Variants in PHLPP1 observed in about 807,000 individuals in gnomAD.
PHLPP1 encodes PH domain leucine-rich repeat-containing protein phosphatase 1.
PHLPP1 carries 42 observed loss-of-function variants against 117.2 expected under a neutral mutation model. The ratio of observed to expected loss-of-function variants is 0.36; its 90% CI spans 0.28 to 0.46. The LOEUF is 0.46. PHLPP1 is among the 20% of genes least tolerant of loss of function. The pLI is 1.00. For synonymous variants in PHLPP1, 1,042 were observed against 970.7 expected, an observed-to-expected ratio of 1.07 and a Z score of -1.37; for missense variants, 2,084 against 2,241.9, an observed-to-expected ratio of 0.93 and a Z score of 1.42.
At chr18:62,792,434 A>G (rs1215051073) in intron 1 of PHLPP1, among the ~76,000 whole-genome samples, 3 of 152,068 alleles carry the variant, frequency 2.0e-5, no homozygotes, top group African/African-American at 4.8e-5. Flanking sequence ...TTCTGGTGGG[A>G]AAAACTCTGA....
chr18:62,793,258 G>A (rs1019415207), intron 1 of PHLPP1, among the ~76,000 whole-genome samples: 6 of 152,322 alleles, frequency 3.9e-5, no homozygotes, highest in African/African-American at 1.2e-4. Flanking sequence ...TGATCAACAA[G>A]TCACCTAGAT....
In PHLPP1 at chr18:62,901,894, C is replaced by G. The variant is rs144076954; in HGVS notation, c.2445-1070C>G. Among the ~76,000 whole-genome samples, 390 of 152,210 alleles carry G rather than the reference C, an allele frequency of 2.6e-3. 2 individuals are homozygous for G. Among genetic ancestry groups the G allele is most frequent in the African/African-American group, 8.9e-3 (370 of 41,526 alleles). On this transcript the variant is annotated intron_variant, in intron 6 of 16. Transcript: ENST00000262719. The stretch of plus-strand genomic sequence containing the variant: ...ACACCCACCTCAGCCTCCCAAAGTG[C>G]TGGGATTACAGGTGTGAGCCATCGC...
At position 62,959,548 on chromosome 18, in the gene PHLPP1, T is replaced by C. The variant is rs933690043; in HGVS notation, c.3455+789T>C. Among the ~76,000 whole-genome samples, 3 of 152,238 alleles carry C rather than the reference T, an allele frequency of 2.0e-5. No individual in the cohort carries two copies. The East Asian group carries it at 5.8e-4, about 29-fold the overall frequency. On this transcript the variant is annotated intron_variant, in intron 13 of 16. Coordinates refer to ENST00000262719, the MANE Select transcript of PHLPP1 (RefSeq NM_194449.4). ...TATGGGTAGTGTTTATTTTCTTCTT[T>C]AAACTTTTCTGAATTTTCAGAATTT... is the stretch of plus-strand genomic sequence containing the variant.
chr18:62,748,046 G>A (rs1911729509), intron 1 of PHLPP1, among the ~76,000 whole-genome samples: 1 of 152,018 alleles, frequency 6.6e-6, no homozygotes, highest in African/African-American at 2.4e-5. Context: ...TTGGGTGTTG[G>A]TTAGGTCTAA....
intron 1 of PHLPP1, among the ~76,000 whole-genome samples, chr18:62,778,410 CTTTAG>C (rs1415095627): frequency 1.3e-5 from 2 of 152,076 alleles, no homozygotes; most frequent in Admixed American, 1.3e-4. Flanking sequence ...TAAATATAGC[CTTTAG>C]TTTAATTAGG....
intron 9 of PHLPP1, among the ~76,000 whole-genome samples, chr18:62,919,634 T>G (rs1359501635): frequency 2.6e-5 from 4 of 152,228 alleles, no homozygotes; most frequent in African/African-American, 9.6e-5. Flanking sequence ...CAATACAAGA[T>G]ACAAGCCCTA....
At chr18:62,728,478 G>T (rs1440686859) in intron 1 of PHLPP1, among the ~76,000 whole-genome samples, 1 of 150,986 alleles carries the variant, frequency 6.6e-6, no homozygotes, top group Non-Finnish European at 1.5e-5. Context: ...AAAGGTCATT[G>T]TGAAGCACAT....
chr18:62,908,591 G>A (rs1599114728), intron 8 of PHLPP1, among the ~76,000 whole-genome samples: 1 of 23,100 alleles, frequency 4.3e-5, no homozygotes, highest in Non-Finnish European at 8.4e-5. Flanking sequence ...CCAACAAGAG[G>A]AGCTAACTAT....
chr18:62,872,028 T>C (rs1207736357), intron 4 of PHLPP1, among the ~76,000 whole-genome samples: 2 of 152,164 alleles, frequency 1.3e-5, no homozygotes, highest in African/African-American at 4.8e-5. Context: ...TTTGTAAATA[T>C]AGAGGAGGCA....
intron 4 of PHLPP1, among the ~76,000 whole-genome samples, chr18:62,874,985 C>T (rs956048507): frequency 1.3e-5 from 2 of 152,166 alleles, no homozygotes; most frequent in African/African-American, 4.8e-5. Flanking sequence ...GACGGAGTCT[C>T]GCTCTGCCAC....
At chr18:62,860,726 G>T in intron 4 of PHLPP1, 125 bp downstream of exon 4, 1 of 732,446 alleles carries the variant, frequency 1.4e-6, no homozygotes. Context: ...AGATAACAGG[G>T]TAATAGGACT....
chr18:62,811,254 A>C (rs915776758), intron 1 of PHLPP1, among the ~76,000 whole-genome samples: 1 of 152,194 alleles, frequency 6.6e-6, no homozygotes. Flanking sequence ...AATTCATGCT[A>C]TTTGACCTAG....
At chr18:62,945,840 T>C (rs1223551850) in intron 12 of PHLPP1, among the ~76,000 whole-genome samples, 7 of 152,196 alleles carry the variant, frequency 4.6e-5, no homozygotes, top group Admixed American at 1.3e-4. Flanking sequence ...TGCTGAAAAG[T>C]GAAGCAATCT....
intron 3 of PHLPP1, among the ~76,000 whole-genome samples, chr18:62,857,962 A>G (rs897023797): frequency 3.3e-5 from 5 of 152,198 alleles, no homozygotes; most frequent in Middle Eastern, 3.2e-3. Flanking sequence ...TCCACTTCCT[A>G]TGAATGCCGT....
chr18:62,805,531 AT>A (rs1194530326), intron 1 of PHLPP1, among the ~76,000 whole-genome samples: 1 of 151,628 alleles, frequency 6.6e-6, no homozygotes, highest in Non-Finnish European at 1.5e-5. Context: ...TAACTTTTTA[AT>A]TTTTTTTGTA....
At chr18:62,929,055 A>C (rs1157873500) in intron 10 of PHLPP1, among the ~76,000 whole-genome samples, 1 of 152,212 alleles carries the variant, frequency 6.6e-6, no homozygotes, top group Non-Finnish European at 1.5e-5. Context: ...GTGGAATTAT[A>C]TGGTGGTGAT....
At chr18:62,834,568 A>G (rs1415250842) in intron 2 of PHLPP1, among the ~76,000 whole-genome samples, 2 of 152,260 alleles carry the variant, frequency 1.3e-5, no homozygotes, top group Middle Eastern at 3.4e-3. Flanking sequence ...ACACACATCT[A>G]CTTTCGCAAG....
rs1336473053 is a variant in PHLPP1 at position 62,838,868 on chromosome 18, A to G, written c.1858A>G (p.Thr620Ala). Residue 620 changes from threonine to alanine, a missense_variant, in exon 3 of 17, where the codon ACT (threonine) becomes GCT (alanine). Thr to Ala is a moderately conservative substitution (Grantham distance 58). Coordinates refer to ENST00000262719, the MANE Select transcript of PHLPP1 (RefSeq NM_194449.4). ...CCAGACTTACTACATTTGCTTTGAT[A>G]CTTTCACAGAATACTTAAGGTGGCT... Reference protein sequence around the residue: ...QSQTYYICFDTFTEYLRWLRQ... With the variant: ...QSQTYYICFDAFTEYLRWLRQ... The G allele has an allele frequency of 1.2e-6, 2 of 1,613,800 alleles. No homozygotes were observed. The highest frequency in any genetic ancestry group is 1.1e-5 in the South Asian group (1 of 91,090).
intron 6 of PHLPP1, among the ~76,000 whole-genome samples, chr18:62,899,182 T>C (rs1207160640): frequency 6.6e-6 from 1 of 152,226 alleles, no homozygotes; most frequent in African/African-American, 2.4e-5. Context: ...TATACATCAG[T>C]CTGTCATGAA....
Sources: allele counts gnomAD v4.1 joint callset (sites outside exome capture counted in the v4.1 genomes callset), GRCh38; gene constraint gnomAD v4.1.1; transcripts MANE v1.5; gene names NCBI Gene and HGNC (gene_info 2026-07-23, HGNC 2026-07-21).